Variants in TAF4 observed in about 807,000 individuals in gnomAD.
TAF4 encodes the protein TATA-box binding protein associated factor 4.
TAF4 carries 9 observed loss-of-function variants against 90.3 expected under a neutral mutation model. The observed-to-expected ratio is 0.10, with a 90% confidence interval of 0.06 to 0.17. The LOEUF is 0.17. Ranked by LOEUF, TAF4 falls within the 10% of genes least tolerant of loss-of-function variation. The probability of loss-of-function intolerance (pLI) is 1.00; values close to 1 mark genes in which losing one functional copy is unlikely to be tolerated. For missense variants in TAF4, 1,351 were observed against 1,370.7 expected, an observed-to-expected ratio of 0.99 and a Z score of 0.23; for synonymous variants, 818 against 638.9, an observed-to-expected ratio of 1.28 and a Z score of -4.23.
At chr20:62,015,554 G>C (rs1215666334) in intron 1 of TAF4, among the ~76,000 whole-genome samples, 1 of 152,194 alleles carries the variant, frequency 6.6e-6, no homozygotes, top group East Asian at 1.9e-4. Context: ...CCAGCACCAA[G>C]GAGCTGAGAA....
intron 1 of TAF4, among the ~76,000 whole-genome samples, chr20:62,031,175 C>G (rs1482642536): frequency 6.6e-6 from 1 of 152,144 alleles, no homozygotes; most frequent in Admixed American, 6.5e-5. Flanking sequence ...CTCTGAAACC[C>G]ACAAGCCTCA....
At chr20:62,012,993 G>T (rs2273991) in intron 2 of TAF4, 59 bp from the exon 3 acceptor site, 4 of 1,597,496 alleles carry the variant, frequency 2.5e-6, no homozygotes, top group Non-Finnish European at 2.6e-6. Context: ...CCCACCCCCA[G>T]GTACACAGAA....
chr20:62,001,150 A>AT (rs1429945586), intron 9 of TAF4, among the ~76,000 whole-genome samples: 2 of 152,260 alleles, frequency 1.3e-5, no homozygotes, highest in East Asian at 3.9e-4. Flanking sequence ...TGCTAACCTG[A>AT]CTTTCCTCCA....
At chr20:62,038,704 A>C (rs1203833032) in intron 1 of TAF4, among the ~76,000 whole-genome samples, 1 of 152,196 alleles carries the variant, frequency 6.6e-6, no homozygotes, top group Non-Finnish European at 1.5e-5. Flanking sequence ...CGATATTGCT[A>C]AGATATCAAT....
chr20:62,056,518 G>A (rs1459185512), intron 1 of TAF4, among the ~76,000 whole-genome samples: 1 of 152,038 alleles, frequency 6.6e-6, no homozygotes, highest in Non-Finnish European at 1.5e-5. Context: ...TCACCTACAG[G>A]GGGCCACTTG....
At position 62,003,214 on chromosome 20, in the gene TAF4, T is replaced by C. The variant is rs1455776959; in HGVS notation, c.2432A>G (p.Gln811Arg). ...TTTATTTTTCTGTGCAGCAGCTGCT[T>C]GTGCCGAGACAGCAGAAAGGGCTTT... ...GTKALSAVSAQAAAAQKNKLK... is the reference protein window; with the variant it reads ...GTKALSAVSARAAAAQKNKLK... The change falls in exon 9 of 15, where the codon CAA becomes CGA. Residue 811 changes from glutamine to arginine, a missense_variant. Gln to Arg is a conservative substitution (Grantham distance 43, BLOSUM62 1). Coordinates refer to ENST00000252996, the MANE Select transcript of TAF4 (RefSeq NM_003185.4). 6.2e-7 allele frequency: 1 copy of C among 1,614,182 alleles called. No homozygotes were observed. Among genetic ancestry groups the C allele is most frequent in the Non-Finnish European group, 8.5e-7 (1 of 1,180,034 alleles).
At chr20:62,049,308 T>C (rs2056012861) in intron 1 of TAF4, among the ~76,000 whole-genome samples, 3 of 152,092 alleles carry the variant, frequency 2.0e-5, no homozygotes, top group Admixed American at 6.5e-5. Flanking sequence ...ATCCCAAACA[T>C]GTGCCCTGCA....
rs764359447 is a variant in TAF4, at chr20:61,978,065, CACCA to C, written c.3091-1734_3091-1731del. ...CGAGACCAACCAAGGGAGGGCGCGA[CACCA>C]ACCAAGGGAGGGCGCGAGACCAACC... On this transcript the variant is annotated intron_variant, in intron 14 of 14. Coordinates refer to ENST00000252996, the MANE Select transcript of TAF4 (RefSeq NM_003185.4). Among the ~76,000 whole-genome samples, 53 of 106,548 alleles carry C rather than the reference CACCA, an allele frequency of 5.0e-4. No individual in the cohort carries two copies. In the East Asian group the frequency reaches 0.015, roughly 30 times the overall value. The allele number at this position is 106,548 out of a possible 152,430, so 69.9% of individuals were successfully genotyped here.
chr20:62,038,421 A>G (rs910720316), intron 1 of TAF4, among the ~76,000 whole-genome samples: 3 of 152,040 alleles, frequency 2.0e-5, no homozygotes, highest in African/African-American at 7.2e-5. Flanking sequence ...TCAGCCTCCC[A>G]AAGTGCTAGG....
intron 10 of TAF4, 84 bp downstream of exon 10, chr20:62,000,468 G>C (rs1262732856): frequency 6.8e-7 from 1 of 1,467,398 alleles, no homozygotes; most frequent in Non-Finnish European, 9.3e-7. Flanking sequence ...CACATGACCA[G>C]GTGTCAGGTG....
chr20:62,042,225 G>C (rs79371708), intron 1 of TAF4, among the ~76,000 whole-genome samples: 1 of 152,196 alleles, frequency 6.6e-6, no homozygotes, highest in East Asian at 1.9e-4. Flanking sequence ...TCTGAATGTC[G>C]AGAGGGGTTT....
At position 62,065,858 on chromosome 20, in the gene TAF4, C is replaced by A; in HGVS notation, c.-48G>T. ...CCGCCGCCGCTCGGGCCGAGCGCGC[C>A]TGGGCGAGGAGGAGGTTCCGACTGG... On this transcript the variant is annotated 5_prime_UTR_variant, in exon 1 of 15. In the 5' UTR this introduces an upstream ATG that the reference lacks. Coordinates refer to ENST00000252996, the MANE Select transcript of TAF4 (RefSeq NM_003185.4). 1 of 1,205,714 alleles carries A rather than the reference C, an allele frequency of 8.3e-7. No homozygotes were observed. 74.7% of individuals were successfully genotyped at this position (1,205,714 alleles called of 1,614,324 possible).
chr20:61,988,259 C>A (rs970770926), intron 14 of TAF4, among the ~76,000 whole-genome samples: 1 of 90,958 alleles, frequency 1.1e-5, no homozygotes, highest in East Asian at 3.3e-4. Context: ...AACAAACGCA[C>A]CACCCGGCCA....
chr20:62,062,778 G>A (rs765854375), intron 1 of TAF4, among the ~76,000 whole-genome samples: 2 of 152,160 alleles, frequency 1.3e-5, no homozygotes, highest in South Asian at 2.1e-4. Context: ...CCTCCCAGAA[G>A]AAAGAGACAG....
chr20:61,976,883 C>T (rs1228345133), intron 14 of TAF4, among the ~76,000 whole-genome samples: 1 of 152,196 alleles, frequency 6.6e-6, no homozygotes, highest in Non-Finnish European at 1.5e-5. Flanking sequence ...GCTGCACAGA[C>T]GCCGCCTCCG....
intron 1 of TAF4, among the ~76,000 whole-genome samples, chr20:62,043,810 G>C (rs943512015): frequency 3.9e-5 from 6 of 152,178 alleles, no homozygotes; most frequent in Non-Finnish European, 8.8e-5. Context: ...ATTCCACGAT[G>C]CTCGCACAAC....
chr20:61,982,788 C>T (rs1471757185), intron 14 of TAF4, among the ~76,000 whole-genome samples: 1 of 152,158 alleles, frequency 6.6e-6, no homozygotes, highest in Non-Finnish European at 1.5e-5. Context: ...TCATACACTA[C>T]GGGCTCTCAG....
chr20:61,985,608 T>C (rs1451146491), intron 14 of TAF4, among the ~76,000 whole-genome samples: 1 of 151,766 alleles, frequency 6.6e-6, no homozygotes, highest in Non-Finnish European at 1.5e-5. Context: ...AGGTCCTTTA[T>C]CTGTATGTTG....
intron 1 of TAF4, among the ~76,000 whole-genome samples, chr20:62,040,149 G>A (rs2055955729): frequency 6.6e-6 from 1 of 152,210 alleles, no homozygotes; most frequent in South Asian, 2.1e-4. Context: ...AAAAACTTAT[G>A]TTCATATAAA....
Sources: gnomAD v4.1 joint callset for allele counts (sites outside exome capture counted in the v4.1 genomes callset) on GRCh38, gnomAD v4.1.1 for gene constraint, MANE v1.5 for transcripts, NCBI Gene and HGNC (gene_info 2026-07-23, HGNC 2026-07-21) for gene names.